The following LRRC4C variants were observed in gnomAD, a reference collection of about 807,000 sequenced individuals.
LRRC4C encodes the protein leucine-rich repeat-containing protein 4C.
In LRRC4C, 5 loss-of-function variants were observed where a neutral mutation model predicts 33.6. That is an observed-to-expected ratio of 0.15 (90% CI 0.08 to 0.31). LRRC4C has a LOEUF of 0.31. Ranked by LOEUF, LRRC4C falls within the 10% of genes least tolerant of loss-of-function variation. The probability of loss-of-function intolerance (pLI) is 1.00; values close to 1 mark genes in which losing one functional copy is unlikely to be tolerated. For synonymous variants in LRRC4C, 329 were observed against 302.0 expected (o/e 1.09, Z -0.93); for missense variants, 560 against 796.7 (o/e 0.70, Z 3.58).
intron 2 of LRRC4C, among the ~76,000 whole-genome samples, chr11:40,698,666 G>T (rs1347647199): frequency 1.3e-5 from 2 of 152,124 alleles, no homozygotes; most frequent in South Asian, 2.1e-4. Flanking sequence ...TTTTCTTGCT[G>T]CTGATAAAGA....
At chr11:41,376,702 T>C (rs1198039323) in intron 1 of LRRC4C, among the ~76,000 whole-genome samples, 1 of 152,176 alleles carries the variant, frequency 6.6e-6, no homozygotes, top group African/African-American at 2.4e-5. Flanking sequence ...TGTGTGTATT[T>C]GTGTATGTAT....
chr11:41,272,139 G>A (rs1336033496), intron 1 of LRRC4C, among the ~76,000 whole-genome samples: 1 of 152,114 alleles, frequency 6.6e-6, no homozygotes, highest in Non-Finnish European at 1.5e-5. Context: ...GTAGACTGAG[G>A]ATAAAAATGC....
intron 3 of LRRC4C, among the ~76,000 whole-genome samples, chr11:40,541,584 A>T (rs1956709924): frequency 6.6e-6 from 1 of 152,138 alleles, no homozygotes; most frequent in Non-Finnish European, 1.5e-5. Flanking sequence ...TCACAGTCCC[A>T]ATGTTCTGCT....
At chr11:40,583,901 T>G (rs1358994270) in intron 3 of LRRC4C, among the ~76,000 whole-genome samples, 1 of 151,570 alleles carries the variant, frequency 6.6e-6, no homozygotes, top group Non-Finnish European at 1.5e-5. Flanking sequence ...GCAGGAAGAA[T>G]GACAATGACA....
At chr11:41,152,842 C>T (rs1345020644) in intron 1 of LRRC4C, among the ~76,000 whole-genome samples, 1 of 152,152 alleles carries the variant, frequency 6.6e-6, no homozygotes, top group African/African-American at 2.4e-5. Flanking sequence ...GAAGGTTGGT[C>T]TCCTTTCTGG....
At chr11:41,021,894 G>A (rs1443079998) in intron 1 of LRRC4C, among the ~76,000 whole-genome samples, 2 of 151,888 alleles carry the variant, frequency 1.3e-5, no homozygotes, top group African/African-American at 4.8e-5. Context: ...CTTTTAAGCA[G>A]TAGTTTCATA....
At chr11:40,236,710 T>C (rs555309575) in intron 5 of LRRC4C, among the ~76,000 whole-genome samples, 135 of 152,232 alleles carry the variant, frequency 8.9e-4, no homozygotes, top group African/African-American at 3.2e-3. Context: ...GCCATTAACA[T>C]AGAAGCAGAT....
intron 1 of LRRC4C, among the ~76,000 whole-genome samples, chr11:41,417,586 G>C (rs568836626): frequency 3.9e-5 from 6 of 152,054 alleles, no homozygotes; most frequent in Admixed American, 3.3e-4. Context: ...CTGCAGATCA[G>C]CAAATTAGCA....
At chr11:40,358,041 G>A (rs1947754590) in intron 3 of LRRC4C, among the ~76,000 whole-genome samples, 1 of 151,994 alleles carries the variant, frequency 6.6e-6, no homozygotes, top group Non-Finnish European at 1.5e-5. Flanking sequence ...AAATTAGCCA[G>A]GCATAGTGGC....
Position 40,116,281 on chromosome 11 carries a change from C to G in LRRC4C, c.12G>C (p.Lys4Asn). ...TTATCTGCTGTGGATGTAAGGTCAT[C>G]TTGTTCAACATTCATAATTTATCTG... MLN[K>N]MTLHPQQIMI... Residue 4 changes from lysine (K) to asparagine (N), a missense_variant, in exon 7 of 7, where the codon AAG becomes AAC. Lys to Asn is a moderately conservative substitution (Grantham distance 94, BLOSUM62 0). Around this residue, in one of 3 missense-constraint regions of LRRC4C, gnomAD observed 455 missense variants for 643.8 expected, o/e 0.71. Transcript: ENST00000528697. 1 of 1,593,308 alleles carries G rather than the reference C, an allele frequency of 6.3e-7. No individual in the cohort carries two copies. The highest frequency in any genetic ancestry group is 1.1e-5 in the South Asian group (1 of 89,622).
intron 3 of LRRC4C, among the ~76,000 whole-genome samples, chr11:40,330,608 A>G (rs533025406): frequency 4.6e-5 from 7 of 152,176 alleles, no homozygotes; most frequent in Non-Finnish European, 7.3e-5. Flanking sequence ...ACTTACTATC[A>G]TGGCGGAAGG....
intron 1 of LRRC4C, among the ~76,000 whole-genome samples, chr11:41,075,028 T>TTA (rs1565359503): frequency 2.3e-4 from 7 of 30,824 alleles, no homozygotes; most frequent in Non-Finnish European, 1.3e-4. Context: ...TTTTTTTTTT[T>TTA]TTTTTTTTAT....
chr11:40,342,741 G>A (rs992134254), intron 3 of LRRC4C, among the ~76,000 whole-genome samples: 1 of 152,070 alleles, frequency 6.6e-6, no homozygotes, highest in Admixed American at 6.6e-5. Context: ...TCATTTAAAA[G>A]CACATTTTCA....
At chr11:41,128,893 A>G (rs1942880174) in intron 1 of LRRC4C, among the ~76,000 whole-genome samples, 2 of 152,044 alleles carry the variant, frequency 1.3e-5, no homozygotes, top group Non-Finnish European at 2.9e-5. Context: ...TAGTGAGTAT[A>G]TATTTGATTA....
chr11:40,496,145 G>A (rs1255299375), intron 3 of LRRC4C, among the ~76,000 whole-genome samples: 3 of 151,966 alleles, frequency 2.0e-5, no homozygotes, highest in Non-Finnish European at 4.4e-5. Context: ...TGTCTTAAAT[G>A]ACTGCAAGCA....
chr11:40,207,865 C>T (rs1274071317), intron 5 of LRRC4C, among the ~76,000 whole-genome samples: 1 of 152,090 alleles, frequency 6.6e-6, no homozygotes, highest in Non-Finnish European at 1.5e-5. Context: ...GATAGCATTC[C>T]ATCCAGTTCC....
intron 3 of LRRC4C, among the ~76,000 whole-genome samples, chr11:40,401,946 T>C (rs1391923275): frequency 6.6e-6 from 1 of 152,034 alleles, no homozygotes; most frequent in African/African-American, 2.4e-5. Context: ...TAAATAGCTA[T>C]ACCTCTGTGG....
Position 40,692,758 on chromosome 11 carries a change from A to G in LRRC4C, c.-406-44480T>C, listed in dbSNP as rs540594647. ...TTGTTGATTGTTGATATTTAGATGA[A>G]TTAATGAGACAAAATGGGCTCCTAT... On this transcript the variant is annotated intron_variant, in intron 2 of 6. Transcript: ENST00000528697. Among the ~76,000 whole-genome samples the G allele has an allele frequency of 7.2e-5, 11 of 152,182 alleles. No individual in the cohort carries two copies. The South Asian group carries it at 2.3e-3, about 32-fold the overall frequency.
chr11:41,378,717 C>T (rs1953031443), intron 1 of LRRC4C, among the ~76,000 whole-genome samples: 1 of 151,998 alleles, frequency 6.6e-6, no homozygotes, highest in South Asian at 2.1e-4. Flanking sequence ...TAAATGATTC[C>T]TATGAAGATG....
Sources: allele counts gnomAD v4.1 joint callset (sites outside exome capture counted in the v4.1 genomes callset), GRCh38; gene constraint gnomAD v4.1.1; regional missense constraint gnomAD v4.1.1; transcripts MANE v1.5; gene names NCBI Gene and HGNC (gene_info 2026-07-23, HGNC 2026-07-21).